The following CENPP variants were observed in gnomAD, a reference collection of about 807,000 sequenced individuals.
CENPP encodes the protein centromere protein P.
CENPP carries 24 observed loss-of-function variants against 35.6 expected under a neutral mutation model. The observed-to-expected ratio is 0.67, with a 90% CI of 0.49 to 0.95. The LOEUF (loss-of-function observed/expected upper bound fraction) is 0.95. CENPP is among the 40% of genes least tolerant of loss of function. The pLI, the probability that CENPP is intolerant of heterozygous loss-of-function variation, is 0.00. For synonymous variants in CENPP, 120 were observed against 125.5 expected (o/e 0.96, Z 0.29); for missense variants, 332 against 345.3 (o/e 0.96, Z 0.31).
intron 5 of CENPP, among the ~76,000 whole-genome samples, chr9:92,553,141 A>G (rs1384370945): frequency 2.0e-5 from 3 of 152,094 alleles, no homozygotes; most frequent in Non-Finnish European, 2.9e-5. Flanking sequence ...CTAGCCAATT[A>G]TCTCAGCACC....
Position 92,593,990 on chromosome 9 carries a change from A to G in CENPP, c.565-17324A>G, listed in dbSNP as rs1348630550. On this transcript the variant is annotated intron_variant, in intron 5 of 7. Coordinates refer to ENST00000375587, the MANE Select transcript of CENPP (RefSeq NM_001012267.3). This position sits in a 1 kb window ranked among gnomAD's most constrained non-coding sequence, Gnocchi z 4.1. Reference sequence around the variant, plus strand: ...GGCAAAACTGAGGAAATCTGAATGAAATTTGGACTTTAGTTATAGTAGTGA... The same window carrying G: ...GGCAAAACTGAGGAAATCTGAATGAGATTTGGACTTTAGTTATAGTAGTGA... Among the ~76,000 whole-genome samples, 1 of 152,182 alleles carries G rather than the reference A, an allele frequency of 6.6e-6. No homozygotes were observed.
chr9:92,539,969 C>A (rs765736592), intron 5 of CENPP, among the ~76,000 whole-genome samples: 1 of 152,166 alleles, frequency 6.6e-6, no homozygotes, highest in Non-Finnish European at 1.5e-5. Flanking sequence ...TGTATACTTT[C>A]ACCAGAAATA....
At chr9:92,513,843 T>C (rs1246727389) in intron 5 of CENPP, among the ~76,000 whole-genome samples, 1 of 152,210 alleles carries the variant, frequency 6.6e-6, no homozygotes, top group Non-Finnish European at 1.5e-5. Flanking sequence ...TGGTGGTGGT[T>C]ACATGACTAT....
At chr9:92,351,751 A>G (rs1419647393) in intron 4 of CENPP, among the ~76,000 whole-genome samples, 1 of 151,906 alleles carries the variant, frequency 6.6e-6, no homozygotes, top group African/African-American at 2.4e-5. Context: ...CAGCCTCCCA[A>G]GTAGCTGGGA....
intron 5 of CENPP, among the ~76,000 whole-genome samples, chr9:92,556,607 CT>C (rs1476281702): frequency 6.6e-6 from 1 of 152,222 alleles, no homozygotes; most frequent in African/African-American, 2.4e-5. Flanking sequence ...TCTCTTTTAA[CT>C]GCTATTGCTT....
intron 5 of CENPP, among the ~76,000 whole-genome samples, chr9:92,580,718 G>A (rs561477044): frequency 2.6e-4 from 39 of 152,258 alleles, no homozygotes; most frequent in African/African-American, 7.2e-4. Context: ...TCTTGCTAGC[G>A]GTCTATCAAT....
At chr9:92,382,349 A>G (rs574611591) in intron 5 of CENPP, among the ~76,000 whole-genome samples, 7 of 152,192 alleles carry the variant, frequency 4.6e-5, no homozygotes, top group African/African-American at 1.7e-4. Context: ...CATCAGCTTA[A>G]ACATTTATCA....
chr9:92,576,507 A>T (rs1850285710), intron 5 of CENPP, among the ~76,000 whole-genome samples: 1 of 152,186 alleles, frequency 6.6e-6, no homozygotes, highest in African/African-American at 2.4e-5. Context: ...ATTTTATGTT[A>T]TCTGTATTTT....
chr9:92,435,553 G>C (rs1015176395), intron 5 of CENPP, among the ~76,000 whole-genome samples: 3 of 152,008 alleles, frequency 2.0e-5, no homozygotes, highest in Admixed American at 6.6e-5. Context: ...CCCTTTTATA[G>C]GTACATAAAT....
chr9:92,352,347 G>A (rs1841470118), intron 4 of CENPP, among the ~76,000 whole-genome samples: 1 of 149,882 alleles, frequency 6.7e-6, no homozygotes, highest in South Asian at 2.1e-4. Flanking sequence ...TCCTCTGGGT[G>A]ACAGAGCAAG....
intron 5 of CENPP, among the ~76,000 whole-genome samples, chr9:92,487,745 G>A (rs1846093449): frequency 6.6e-6 from 1 of 152,206 alleles, no homozygotes; most frequent in Non-Finnish European, 1.5e-5. Flanking sequence ...GGGAGGCTGA[G>A]GTGGGAGAAT....
intron 5 of CENPP, among the ~76,000 whole-genome samples, chr9:92,563,728 T>A (rs2131344448): frequency 6.6e-6 from 1 of 152,222 alleles, no homozygotes; most frequent in South Asian, 2.1e-4. Context: ...CCCTTCTTAA[T>A]CTCTTTGGCT....
chr9:92,363,007 G>T (rs994685209), intron 4 of CENPP, among the ~76,000 whole-genome samples: 47 of 151,896 alleles, frequency 3.1e-4, no homozygotes, highest in African/African-American at 1.1e-3. Context: ...TTATATTTTT[G>T]AGCACTTCCT....
chr9:92,556,841 T>A (rs1433602607), intron 5 of CENPP, among the ~76,000 whole-genome samples: 1 of 152,198 alleles, frequency 6.6e-6, no homozygotes, highest in Non-Finnish European at 1.5e-5. Context: ...GTTGCATCCA[T>A]CCTGCTCTTT....
At chr9:92,572,328 T>G (rs1055396090) in intron 5 of CENPP, among the ~76,000 whole-genome samples, 1 of 152,228 alleles carries the variant, frequency 6.6e-6, no homozygotes, top group African/African-American at 2.4e-5. Context: ...TAAAGGATTT[T>G]ATTCCTCCTT....
intron 5 of CENPP, among the ~76,000 whole-genome samples, chr9:92,430,810 T>A (rs1844088613): frequency 6.6e-6 from 1 of 152,132 alleles, no homozygotes; most frequent in African/African-American, 2.4e-5. Flanking sequence ...TATTTATTTG[T>A]TGTTGAGATG....
intron 5 of CENPP, chr9:92,417,567 T>C: frequency 6.5e-7 from 1 of 1,531,254 alleles, no homozygotes; most frequent in Non-Finnish European, 8.8e-7. Flanking sequence ...ATCTTCTTTT[T>C]TTTTTTCCTA....
At chr9:92,596,503 GCAATA>G (rs979788500) in intron 5 of CENPP, among the ~76,000 whole-genome samples, 2 of 146,934 alleles carry the variant, frequency 1.4e-5, no homozygotes, top group African/African-American at 5.0e-5. Flanking sequence ...GAAGAAGGCA[GCAATA>G]CAATATTGGA....
At chr9:92,500,931 AACACATAG>A (rs763015482) in intron 5 of CENPP, 1 of 1,614,124 alleles carries the variant, frequency 6.2e-7, no homozygotes, top group African/African-American at 1.3e-5. Flanking sequence ...CATGTGGCCA[AACACATAG>A]CCAGGGATCC....
Sources: gnomAD v4.1 joint callset for allele counts (sites outside exome capture counted in the v4.1 genomes callset) on GRCh38, gnomAD v4.1.1 for gene constraint, Gnocchi (gnomAD v3.1) non-coding constraint, MANE v1.5 for transcripts, NCBI Gene and HGNC (gene_info 2026-07-23, HGNC 2026-07-21) for gene names.